Variants in PTPRT observed in about 807,000 individuals in gnomAD.
PTPRT encodes receptor-type tyrosine-protein phosphatase T.
In PTPRT, 56 loss-of-function variants were observed where a neutral mutation model predicts 176.8. The observed-to-expected ratio is 0.32, with a 90% confidence interval of 0.26 to 0.40. PTPRT has a LOEUF of 0.40. Ranked by LOEUF, PTPRT falls within the 10% of genes least tolerant of loss-of-function variation. The pLI, the probability that PTPRT is intolerant of heterozygous loss-of-function variation, is 1.00. For synonymous variants in PTPRT, 783 were observed against 739.0 expected (o/e 1.06, Z -0.96); for missense variants, 1,540 against 1,908.2 (o/e 0.81, Z 3.60).
intron 17 of PTPRT, among the ~76,000 whole-genome samples, chr20:42,144,399 C>T (rs1419705498): frequency 1.3e-5 from 2 of 151,940 alleles, no homozygotes; most frequent in African/African-American, 4.8e-5. Flanking sequence ...ATTAGACATC[C>T]AAGCTGATGT....
At chr20:42,889,052 C>T (rs1313739065) in intron 1 of PTPRT, among the ~76,000 whole-genome samples, 1 of 152,160 alleles carries the variant, frequency 6.6e-6, no homozygotes, top group African/African-American at 2.4e-5. Context: ...TTAACACTTG[C>T]CCCTAGTCCG....
chr20:42,184,092 G>C (rs1990630384), intron 16 of PTPRT, among the ~76,000 whole-genome samples: 2 of 152,258 alleles, frequency 1.3e-5, no homozygotes, highest in East Asian at 1.9e-4. Context: ...TGAGGTCCCA[G>C]ACATGTTGTC....
At chr20:42,991,723 ATGTC>A (rs1293403887) in intron 1 of PTPRT, among the ~76,000 whole-genome samples, 1 of 152,220 alleles carries the variant, frequency 6.6e-6, no homozygotes, top group Non-Finnish European at 1.5e-5. Flanking sequence ...GTTTTATGTT[ATGTC>A]TATTTTACCA....
Position 42,115,334 on chromosome 20 carries a change from CAG to C in PTPRT, c.2983-21_2983-20del. The C allele has an allele frequency of 6.5e-7, 1 of 1,543,148 alleles. No homozygotes were observed. The highest frequency in any genetic ancestry group is 1.1e-5 in the South Asian group (1 of 89,590). On this transcript the variant is annotated intron_variant, in intron 21 of 30. Transcript: ENST00000373187. ...ATTTCACCTGTGGCCAAGTGAGAGA[CAG>C]AGACAGAGACAGAACAGAGACAAGG...
chr20:42,545,831 A>G (rs1263807408), intron 7 of PTPRT, among the ~76,000 whole-genome samples: 2 of 152,190 alleles, frequency 1.3e-5, no homozygotes, highest in Non-Finnish European at 2.9e-5. Flanking sequence ...CAAGGTCCAC[A>G]AGAATAGCAA....
chr20:42,184,832 C>T (rs1462759919), intron 16 of PTPRT, among the ~76,000 whole-genome samples: 4 of 144,966 alleles, frequency 2.8e-5, no homozygotes, highest in Non-Finnish European at 4.5e-5. Context: ...GATGGGGTTT[C>T]GCCATGTTAG....
intron 6 of PTPRT, among the ~76,000 whole-genome samples, chr20:42,706,786 C>T (rs2076066798): frequency 6.6e-6 from 1 of 152,160 alleles, no homozygotes; most frequent in Admixed American, 6.5e-5. Flanking sequence ...ATAATTGTGT[C>T]CACCCAAAAG....
At chr20:42,714,227 A>C (rs1007744877) in intron 6 of PTPRT, among the ~76,000 whole-genome samples, 1 of 152,158 alleles carries the variant, frequency 6.6e-6, no homozygotes, top group Non-Finnish European at 1.5e-5. Context: ...TCTAAGAATC[A>C]TGTGGAATAG....
intron 11 of PTPRT, among the ~76,000 whole-genome samples, chr20:42,329,486 C>T (rs1600843145): frequency 7.2e-6 from 1 of 138,478 alleles, no homozygotes; most frequent in African/African-American, 2.7e-5. Flanking sequence ...CACACACACA[C>T]ACACACACAC....
intron 7 of PTPRT, chr20:42,607,409 C>T (rs1261341009): frequency 1.3e-5 from 2 of 152,146 alleles, no homozygotes; most frequent in African/African-American, 2.4e-5. Context: ...AAGCAGCTTC[C>T]TGTGTAAAGG....
chr20:42,490,974 A>G (rs6030277), intron 7 of PTPRT, among the ~76,000 whole-genome samples: 21,804 of 152,150 alleles, frequency 0.14, 3,814 homozygotes, highest in African/African-American at 0.42. Flanking sequence ...GGGTAATTAT[A>G]AGTAAATCTG....
intron 6 of PTPRT, among the ~76,000 whole-genome samples, chr20:42,705,415 A>G (rs982888879): frequency 6.8e-6 from 1 of 147,552 alleles, no homozygotes; most frequent in Non-Finnish European, 1.5e-5. Context: ...CAGCATTCAC[A>G]AGGGCGGGGT....
intron 1 of PTPRT, among the ~76,000 whole-genome samples, chr20:43,099,084 C>G (rs954973836): frequency 1.3e-5 from 2 of 152,040 alleles, no homozygotes; most frequent in Non-Finnish European, 2.9e-5. Flanking sequence ...GGCAGTGTGA[C>G]AGCATTCTCA....
intron 7 of PTPRT, among the ~76,000 whole-genome samples, chr20:42,664,206 T>G (rs1285369409): frequency 6.6e-6 from 1 of 152,268 alleles, no homozygotes; most frequent in Non-Finnish European, 1.5e-5. Context: ...TACCTCTTTA[T>G]GCCTTTAGCC....
intron 7 of PTPRT, among the ~76,000 whole-genome samples, chr20:42,535,072 A>G (rs2145557626): frequency 6.6e-6 from 1 of 152,324 alleles, no homozygotes; most frequent in East Asian, 1.9e-4. Flanking sequence ...GAAGTCATAT[A>G]TAGCTAGTAA....
At chr20:43,133,293 A>G (rs1051602903) in intron 1 of PTPRT, among the ~76,000 whole-genome samples, 1 of 152,230 alleles carries the variant, frequency 6.6e-6, no homozygotes, top group Non-Finnish European at 1.5e-5. Flanking sequence ...CCTTTCCCAT[A>G]AAGACTACAT....
intron 5 of PTPRT, among the ~76,000 whole-genome samples, chr20:42,764,339 G>A (rs2145434366): frequency 6.6e-6 from 1 of 152,208 alleles, no homozygotes; most frequent in South Asian, 2.1e-4. Context: ...AATTAAGAAG[G>A]CAACTAGGGG....
intron 2 of PTPRT, among the ~76,000 whole-genome samples, chr20:42,838,560 C>T (rs1290331814): frequency 6.6e-6 from 1 of 152,180 alleles, no homozygotes; most frequent in African/African-American, 2.4e-5. Context: ...AAAGGGTCTA[C>T]ACCATGACCT....
At chr20:43,115,474 G>A (rs945284000) in intron 1 of PTPRT, among the ~76,000 whole-genome samples, 7 of 152,098 alleles carry the variant, frequency 4.6e-5, no homozygotes, top group Non-Finnish European at 8.8e-5. Context: ...ATACCCCATC[G>A]ATGATACCAC....
Sources: allele counts gnomAD v4.1 joint callset (sites outside exome capture counted in the v4.1 genomes callset), GRCh38; gene constraint gnomAD v4.1.1; transcripts MANE v1.5; gene names NCBI Gene and HGNC (gene_info 2026-07-23, HGNC 2026-07-21).